Variants in PRKN observed in about 807,000 individuals in gnomAD.
PRKN encodes the protein E3 ubiquitin-protein ligase parkin.
PRKN carries 56 observed loss-of-function variants against 59.5 expected under a neutral mutation model. The observed-to-expected ratio is 0.94, with a 90% CI of 0.76 to 1.18. The LOEUF (loss-of-function observed/expected upper bound fraction) is 1.18, where lower values mean the gene tolerates loss of function less well. PRKN is among the 50% of genes most tolerant of loss of function. The pLI is 0.00. For missense variants in PRKN, 657 were observed against 596.4 expected, an observed-to-expected ratio of 1.10 and a Z score of -1.06; for synonymous variants, 250 against 222.1, an observed-to-expected ratio of 1.13 and a Z score of -1.12.
At chr6:162,528,881 T>G (rs984392846) in intron 1 of PRKN, among the ~76,000 whole-genome samples, 1 of 152,096 alleles carries the variant, frequency 6.6e-6, no homozygotes, top group African/African-American at 2.4e-5. Flanking sequence ...GCTTTTTACT[T>G]ATTTATTTTT....
intron 7 of PRKN, among the ~76,000 whole-genome samples, chr6:161,732,806 C>G (rs1475501056): frequency 6.6e-6 from 1 of 152,112 alleles, no homozygotes; most frequent in Non-Finnish European, 1.5e-5. Context: ...ATCCAGGGTT[C>G]TTTGCATTGT....
intron 6 of PRKN, among the ~76,000 whole-genome samples, chr6:161,972,443 A>G (rs756277002): frequency 7.2e-5 from 11 of 152,170 alleles, no homozygotes; most frequent in Non-Finnish European, 1.2e-4. Flanking sequence ...CCTACTCTGC[A>G]GAGCAAACAG....
intron 4 of PRKN, among the ~76,000 whole-genome samples, chr6:162,133,128 C>G (rs1781437298): frequency 6.6e-6 from 1 of 152,176 alleles, no homozygotes; most frequent in Non-Finnish European, 1.5e-5. Context: ...TTAGAAGGAT[C>G]ACTCTGGCTG....
chr6:162,721,588 A>G (rs1326657414), intron 1 of PRKN, among the ~76,000 whole-genome samples: 1 of 152,082 alleles, frequency 6.6e-6, no homozygotes, highest in East Asian at 1.9e-4. Context: ...CTGCAGGAAA[A>G]CTGGAATGGC....
At chr6:161,374,686 A>G (rs1649746566) in intron 10 of PRKN, among the ~76,000 whole-genome samples, 2 of 151,558 alleles carry the variant, frequency 1.3e-5, no homozygotes, top group South Asian at 2.1e-4. Context: ...TGTGGTGTGT[A>G]TGTGTGATGT....
Position 162,653,814 on chromosome 6 carries a change from T to C in PRKN, c.7+73848A>G, listed in dbSNP as rs760930912. 3.9e-5 allele frequency among the ~76,000 whole-genome samples: 6 copies of C among 152,194 alleles called. No individual in the cohort carries two copies. In the East Asian group the frequency reaches 5.8e-4, roughly 15 times the overall value. ...GCCAACAGTATCTAAATATTCTTCATAGTAGTTAAAACAGATTAAGAATTA... is the reference window on the plus strand; with the variant it reads ...GCCAACAGTATCTAAATATTCTTCACAGTAGTTAAAACAGATTAAGAATTA... On this transcript the variant is annotated intron_variant, in intron 1 of 11. Transcript: ENST00000366898.
chr6:162,069,166 G>A (rs1440574494), intron 4 of PRKN, among the ~76,000 whole-genome samples: 1 of 152,102 alleles, frequency 6.6e-6, no homozygotes, highest in Non-Finnish European at 1.5e-5. Context: ...CACCTAGAAG[G>A]AGGTAATAGA....
chr6:162,221,213 T>C (rs184941090), intron 3 of PRKN, among the ~76,000 whole-genome samples: 1 of 152,342 alleles, frequency 6.6e-6, no homozygotes, highest in African/African-American at 2.4e-5. Context: ...TTATTTCTTT[T>C]CTTCCTTGTT....
Position 161,462,902 on chromosome 6 carries a change from G to GT in PRKN, c.1084-76026dup, listed in dbSNP as rs1790287018. 6.6e-6 allele frequency among the ~76,000 whole-genome samples: 1 copy of GT among 152,202 alleles called. No homozygotes were observed. Among genetic ancestry groups the GT allele is most frequent in the Non-Finnish European group, 1.5e-5 (1 of 67,996 alleles). On this transcript the variant is annotated intron_variant, in intron 9 of 11. Coordinates refer to ENST00000366898, the MANE Select transcript of PRKN (RefSeq NM_004562.3). This position sits in a 1 kb window ranked among gnomAD's most constrained non-coding sequence, Gnocchi z 4.5. ...TATTTCCTCAGGATTTCTTCACTCA[G>GT]TTTTTTTGTTTGGTAGAGCACTTAG...
intron 4 of PRKN, among the ~76,000 whole-genome samples, chr6:162,134,413 T>C (rs1781490272): frequency 3.3e-5 from 5 of 152,354 alleles, no homozygotes; most frequent in African/African-American, 9.6e-5. Context: ...GTTTGCTTGT[T>C]TTATAAGTTA....
At chr6:161,441,992 C>T (rs1278128540) in intron 9 of PRKN, among the ~76,000 whole-genome samples, 4 of 152,166 alleles carry the variant, frequency 2.6e-5, no homozygotes, top group Non-Finnish European at 5.9e-5. Context: ...GGGAGGACAT[C>T]GCCAATGAGT....
chr6:162,602,867 A>G (rs1781764809), intron 1 of PRKN, among the ~76,000 whole-genome samples: 1 of 152,162 alleles, frequency 6.6e-6, no homozygotes, highest in Non-Finnish European at 1.5e-5. Flanking sequence ...GTTCGCAGCT[A>G]AATTGGTGTT....
intron 9 of PRKN, among the ~76,000 whole-genome samples, chr6:161,532,108 T>G (rs1779234529): frequency 6.6e-6 from 1 of 151,376 alleles, no homozygotes; most frequent in Non-Finnish European, 1.5e-5. Flanking sequence ...CTATTAAAAA[T>G]CAATCAATCT....
chr6:161,705,908 C>T (rs116373328), intron 7 of PRKN, among the ~76,000 whole-genome samples: 1,767 of 152,164 alleles, frequency 0.012, 19 homozygotes, highest in African/African-American at 0.031. Context: ...GAGCTCCAAC[C>T]GTGTCATTAT....
chr6:161,912,091 T>C (rs1479092108), intron 6 of PRKN, among the ~76,000 whole-genome samples: 1 of 151,416 alleles, frequency 6.6e-6, no homozygotes, highest in East Asian at 2.0e-4. Flanking sequence ...GGCAGGAGAA[T>C]TGCTTGAACC....
At chr6:162,191,604 AGCTAATTTTT>A (rs1239787935) in intron 4 of PRKN, among the ~76,000 whole-genome samples, 170 of 152,188 alleles carry the variant, frequency 1.1e-3, no homozygotes, top group African/African-American at 3.8e-3. Flanking sequence ...CACCACAGCC[AGCTAATTTTT>A]GTATTTTTAG....
At chr6:162,506,783 C>A (rs952693492) in intron 1 of PRKN, among the ~76,000 whole-genome samples, 5 of 152,104 alleles carry the variant, frequency 3.3e-5, no homozygotes, top group African/African-American at 4.8e-5. Flanking sequence ...CCATCCAGCA[C>A]CAGCTTGGAG....
chr6:162,410,758 C>A (rs2128154489), intron 2 of PRKN, among the ~76,000 whole-genome samples: 1 of 152,280 alleles, frequency 6.6e-6, no homozygotes, highest in Middle Eastern at 3.4e-3. Context: ...TGATCTGCTC[C>A]ACTATCTTGG....
intron 6 of PRKN, among the ~76,000 whole-genome samples, chr6:161,809,807 G>A (rs1385068535): frequency 6.6e-6 from 1 of 152,072 alleles, no homozygotes; most frequent in African/African-American, 2.4e-5. Flanking sequence ...GTGGATGAAG[G>A]ATACCACCTG....
Sources: allele counts gnomAD v4.1 joint callset (sites outside exome capture counted in the v4.1 genomes callset), GRCh38; gene constraint gnomAD v4.1.1; non-coding constraint Gnocchi (gnomAD v3.1); transcripts MANE v1.5; gene names NCBI Gene and HGNC (gene_info 2026-07-23, HGNC 2026-07-21).